Variants in RPS6KC1 observed in about 807,000 individuals in gnomAD.
RPS6KC1 encodes the protein ribosomal protein S6 kinase C1, also known as inactive ribosomal protein S6 kinase delta-1.
Under a neutral mutation model 103.8 loss-of-function variants are expected in RPS6KC1, and 54 were observed. That is an observed-to-expected ratio of 0.52 (90% CI 0.42 to 0.65). The LOEUF is 0.65. Among genes scored for constraint, RPS6KC1 ranks in the 30% least tolerant of loss-of-function variants. RPS6KC1 has a pLI of 0.00. For missense variants in RPS6KC1, 1,151 were observed against 1,253.8 expected, an observed-to-expected ratio of 0.92 and a Z score of 1.24; for synonymous variants, 439 against 438.7, an observed-to-expected ratio of 1.00 and a Z score of -0.01.
the RPS6KC1 span, among the ~76,000 whole-genome samples, chr1:213,747,054 C>T: frequency 1.3e-5 from 2 of 152,046 alleles, no homozygotes; most frequent in African/African-American, 4.8e-5. Flanking sequence ...ATTTAAATGC[C>T]ATGAGACTGG....
the RPS6KC1 span, among the ~76,000 whole-genome samples, chr1:213,714,020 G>A: frequency 4.6e-5 from 7 of 152,156 alleles, no homozygotes; most frequent in African/African-American, 1.2e-4. Flanking sequence ...TGCATACTCT[G>A]TCTGCCTTGG....
At chr1:213,288,269 T>A in the RPS6KC1 span, among the ~76,000 whole-genome samples, 1 of 152,186 alleles carries the variant, frequency 6.6e-6, no homozygotes, top group Non-Finnish European at 1.5e-5. Context: ...GGGAATACCA[T>A]CCCAGTCAGC....
chr1:213,625,277 G>A, the RPS6KC1 span, among the ~76,000 whole-genome samples: 1 of 152,140 alleles, frequency 6.6e-6, no homozygotes, highest in Non-Finnish European at 1.5e-5. Flanking sequence ...AGAAAGTCCT[G>A]TTCCTGATTT....
chr1:213,161,566 C>T (rs1036858054), intron 6 of RPS6KC1, among the ~76,000 whole-genome samples: 1 of 152,176 alleles, frequency 6.6e-6, no homozygotes, highest in African/African-American at 2.4e-5. Flanking sequence ...AATGATCCAC[C>T]TGCTTTGGCC....
intron 8 of RPS6KC1, among the ~76,000 whole-genome samples, chr1:213,189,343 G>A (rs761408301): frequency 5.3e-5 from 8 of 151,522 alleles, no homozygotes; most frequent in South Asian, 2.1e-4. Context: ...CAGCTACTCC[G>A]GAGGCTGAGG....
At chr1:213,153,394 A>C (rs1178713297) in intron 6 of RPS6KC1, among the ~76,000 whole-genome samples, 3 of 152,172 alleles carry the variant, frequency 2.0e-5, no homozygotes, top group Non-Finnish European at 4.4e-5. Context: ...TTGCAAATAT[A>C]TCTTGTAACC....
the RPS6KC1 span, among the ~76,000 whole-genome samples, chr1:213,390,006 G>A: frequency 2.0e-5 from 3 of 152,108 alleles, no homozygotes; most frequent in African/African-American, 7.2e-5. Context: ...TTAGTGGTGC[G>A]GTAGGGACGT....
the RPS6KC1 span, among the ~76,000 whole-genome samples, chr1:213,354,150 G>A: frequency 3.7e-4 from 57 of 152,312 alleles, no homozygotes; most frequent in African/African-American, 1.3e-3. Flanking sequence ...TTGAGCCTCA[G>A]TTTCCTCATA....
chr1:213,640,655 T>G, the RPS6KC1 span, among the ~76,000 whole-genome samples: 1 of 151,910 alleles, frequency 6.6e-6, no homozygotes, highest in African/African-American at 2.4e-5. Context: ...CTATGGATTA[T>G]TTTTAAGGGT....
the RPS6KC1 span, among the ~76,000 whole-genome samples, chr1:213,748,542 G>C: frequency 2.6e-5 from 4 of 152,164 alleles, no homozygotes; most frequent in Non-Finnish European, 4.4e-5. Context: ...CAATTATGGA[G>C]AGAAGTACAA....
chr1:213,517,035 C>T, the RPS6KC1 span, among the ~76,000 whole-genome samples: 1 of 152,142 alleles, frequency 6.6e-6, no homozygotes, highest in African/African-American at 2.4e-5. Flanking sequence ...ATAGTATTCT[C>T]TGATGGTAGT....
chr1:213,632,339 A>G, the RPS6KC1 span, among the ~76,000 whole-genome samples: 3 of 152,286 alleles, frequency 2.0e-5, no homozygotes, highest in East Asian at 3.9e-4. Flanking sequence ...AGCATGATTG[A>G]TGCAGAAGAC....
At chr1:213,848,447 T>G in the RPS6KC1 span, among the ~76,000 whole-genome samples, 1 of 152,154 alleles carries the variant, frequency 6.6e-6, no homozygotes, top group Non-Finnish European at 1.5e-5. Context: ...ACTTTGAGAT[T>G]CATTCATGTT....
chr1:213,376,381 A>G, the RPS6KC1 span, among the ~76,000 whole-genome samples: 1 of 151,932 alleles, frequency 6.6e-6, no homozygotes, highest in Non-Finnish European at 1.5e-5. Flanking sequence ...CAGTTGTTAG[A>G]TATTTAGGTT....
chr1:213,861,390 C>A, the RPS6KC1 span, among the ~76,000 whole-genome samples: 1 of 152,172 alleles, frequency 6.6e-6, no homozygotes, highest in Admixed American at 6.5e-5. Context: ...GCTGGGTGCG[C>A]ACCCAGGCCC....
intron 8 of RPS6KC1, among the ~76,000 whole-genome samples, chr1:213,229,481 T>G (rs1388851688): frequency 6.6e-6 from 1 of 152,202 alleles, no homozygotes; most frequent in Non-Finnish European, 1.5e-5. Flanking sequence ...AATTTCAGTC[T>G]GTGGCTGCTT....
At chr1:213,484,968 T>A in the RPS6KC1 span, among the ~76,000 whole-genome samples, 3 of 152,304 alleles carry the variant, frequency 2.0e-5, no homozygotes, top group African/African-American at 7.2e-5. Context: ...GCTTAAGTCA[T>A]CTTCCTATTT....
chr1:213,051,265 T>A lies in RPS6KC1; in HGVS notation c.-140T>A, dbSNP rs2148218310. The A allele has an allele frequency of 1.6e-6, 1 of 628,936 alleles. No homozygotes were observed. Among genetic ancestry groups the A allele is most frequent in the Non-Finnish European group, 2.8e-6 (1 of 356,018 alleles). The allele number at this position is 628,936 out of a possible 1,614,324, so 39.0% of individuals were successfully genotyped here. On this transcript the variant is annotated 5_prime_UTR_variant, in exon 1 of 15. Transcript: ENST00000366960. Reference sequence around the variant, plus strand: ...TGACCCGGAAGCAGAGCTGTGCAGCTGAGGCGCCGCCGTGGAGCCGCCTTG... The same window carrying A: ...TGACCCGGAAGCAGAGCTGTGCAGCAGAGGCGCCGCCGTGGAGCCGCCTTG...
intron 8 of RPS6KC1, among the ~76,000 whole-genome samples, chr1:213,192,747 G>A (rs2092794776): frequency 6.6e-6 from 1 of 151,912 alleles, no homozygotes; most frequent in Admixed American, 6.6e-5. Context: ...TTAATTATGG[G>A]TTTGGTTTGC....
Sources: allele counts gnomAD v4.1 joint callset (sites outside exome capture counted in the v4.1 genomes callset), GRCh38; gene constraint gnomAD v4.1.1; transcripts MANE v1.5; gene names NCBI Gene and HGNC (gene_info 2026-07-23, HGNC 2026-07-21).